Variants in SGCG observed in about 807,000 individuals in gnomAD.
SGCG encodes gamma-sarcoglycan.
A neutral mutation model predicts 29.3 loss-of-function variants in SGCG; 26 were observed. That is an observed-to-expected ratio of 0.89 (90% CI 0.65 to 1.23). The LOEUF (loss-of-function observed/expected upper bound fraction) is 1.23. Among genes scored for constraint, SGCG ranks in the 50% most tolerant of loss-of-function variants. The probability of loss-of-function intolerance (pLI) is 0.00; values close to 1 mark genes in which losing one functional copy is unlikely to be tolerated. For synonymous variants in SGCG, 145 were observed against 129.7 expected (o/e 1.12, Z -0.80); for missense variants, 353 against 356.0 (o/e 0.99, Z 0.07).
At chr13:23,275,449 G>A (rs1172695692) in intron 4 of SGCG, among the ~76,000 whole-genome samples, 1 of 151,328 alleles carries the variant, frequency 6.6e-6, no homozygotes, top group Admixed American at 6.6e-5. Flanking sequence ...GTTGCAGTGA[G>A]CTGAGATCAT....
chr13:23,302,585 C>T (rs1268264413), intron 6 of SGCG, among the ~76,000 whole-genome samples: 1 of 151,980 alleles, frequency 6.6e-6, no homozygotes, highest in Non-Finnish European at 1.5e-5. Flanking sequence ...TTGATTATTA[C>T]ATATTGTGTA....
chr13:23,278,299 C>T (rs1881166334), intron 4 of SGCG, among the ~76,000 whole-genome samples: 1 of 151,940 alleles, frequency 6.6e-6, no homozygotes, highest in Non-Finnish European at 1.5e-5. Context: ...CAAAATTAGC[C>T]GAGCGTGGTG....
intron 4 of SGCG, among the ~76,000 whole-genome samples, chr13:23,274,395 C>CTTTTTTTTTTTTTT (rs869153381): frequency 2.0e-4 from 17 of 85,228 alleles, no homozygotes; most frequent in East Asian, 3.8e-4. Flanking sequence ...CTTTCTTTCT[C>CTTTTTTTTTTTTTT]TTTTTTTTTT....
intron 4 of SGCG, among the ~76,000 whole-genome samples, chr13:23,253,781 A>G (rs975775819): frequency 1.3e-5 from 2 of 152,198 alleles, no homozygotes; most frequent in Admixed American, 6.5e-5. Flanking sequence ...GGCTTGCACC[A>G]TACCCTTGGT....
chr13:23,196,682 T>C (rs1877525775), intron 1 of SGCG, among the ~76,000 whole-genome samples: 1 of 152,200 alleles, frequency 6.6e-6, no homozygotes, highest in South Asian at 2.1e-4. Flanking sequence ...TGTCCTATCT[T>C]TAAGGCAAAT....
the SGCG span, among the ~76,000 whole-genome samples, chr13:23,174,501 A>C: frequency 6.6e-6 from 1 of 152,242 alleles, no homozygotes; most frequent in African/African-American, 2.4e-5. Flanking sequence ...TTCAAGGAAA[A>C]AAAATGGAAT....
intron 5 of SGCG, among the ~76,000 whole-genome samples, chr13:23,286,786 T>G (rs1881513503): frequency 6.6e-6 from 1 of 152,292 alleles, no homozygotes; most frequent in Admixed American, 6.5e-5. Context: ...TCACCCTTCT[T>G]GTGATGATGT....
At chr13:23,251,611 A>G (rs989854069) in intron 4 of SGCG, among the ~76,000 whole-genome samples, 2 of 152,152 alleles carry the variant, frequency 1.3e-5, no homozygotes, top group African/African-American at 4.8e-5. Context: ...CTCTAAAAAA[A>G]TAATTTTAAA....
intron 1 of SGCG, among the ~76,000 whole-genome samples, chr13:23,182,076 G>A (rs1489489836): frequency 6.6e-6 from 1 of 152,150 alleles, no homozygotes. Flanking sequence ...GCATTCCAAA[G>A]ACTAACAAAT....
At chr13:23,283,356 CT>C (rs1881378932) in intron 5 of SGCG, among the ~76,000 whole-genome samples, 1 of 152,128 alleles carries the variant, frequency 6.6e-6, no homozygotes, top group Non-Finnish European at 1.5e-5. Flanking sequence ...GAATTGATTC[CT>C]TTACCATTAT....
chr13:23,215,259 C>G (rs907250524), intron 2 of SGCG, among the ~76,000 whole-genome samples: 1 of 152,174 alleles, frequency 6.6e-6, no homozygotes, highest in African/African-American at 2.4e-5. Context: ...CAGATCTATT[C>G]ACTTTCTTCC....
chr13:23,196,049 A>G (rs1375809752), intron 1 of SGCG, among the ~76,000 whole-genome samples: 2 of 152,056 alleles, frequency 1.3e-5, no homozygotes, highest in Non-Finnish European at 2.9e-5. Context: ...CTATGAGTAT[A>G]TATTTTAATA....
the SGCG span, among the ~76,000 whole-genome samples, chr13:23,162,464 A>AT: frequency 1.3e-5 from 2 of 152,100 alleles, no homozygotes; most frequent in South Asian, 2.1e-4. Context: ...TACTAAAAAT[A>AT]TTTTTTTAAA....
At chr13:23,300,271 TTAGAAACCAAGAAAG>T (rs1882101676) in intron 6 of SGCG, among the ~76,000 whole-genome samples, 1 of 152,140 alleles carries the variant, frequency 6.6e-6, no homozygotes, top group Non-Finnish European at 1.5e-5. Flanking sequence ...CTAAGCTCAG[TTAGAAACCAAGAAAG>T]GGTAATTCCC....
chr13:23,216,279 A>G (rs1168735147), intron 2 of SGCG, among the ~76,000 whole-genome samples: 2 of 152,150 alleles, frequency 1.3e-5, no homozygotes, highest in African/African-American at 2.4e-5. Flanking sequence ...TCAGGGGCCA[A>G]TAGAACACTA....
At chr13:23,192,983 A>G (rs1593165004) in intron 1 of SGCG, among the ~76,000 whole-genome samples, 1 of 152,226 alleles carries the variant, frequency 6.6e-6, no homozygotes, top group Non-Finnish European at 1.5e-5. Context: ...AATAAAAAGT[A>G]AACAAATAAA....
chr13:23,266,300 T>C (rs1042701910), intron 4 of SGCG, among the ~76,000 whole-genome samples: 14 of 151,734 alleles, frequency 9.2e-5, no homozygotes, highest in Admixed American at 2.0e-4. Flanking sequence ...ATATCACATA[T>C]ATATATATGA....
intron 4 of SGCG, among the ~76,000 whole-genome samples, chr13:23,251,821 A>G (rs1879980810): frequency 6.6e-6 from 1 of 152,190 alleles, no homozygotes; most frequent in South Asian, 2.1e-4. Flanking sequence ...AGGAAACTGG[A>G]TGGCCCTTGT....
At chr13:23,212,883 G>T (rs1282875411) in intron 2 of SGCG, among the ~76,000 whole-genome samples, 1 of 152,186 alleles carries the variant, frequency 6.6e-6, no homozygotes, top group African/African-American at 2.4e-5. Flanking sequence ...AATACAGCAT[G>T]AGTAGCAGGA....
Sources: gnomAD v4.1 joint callset for allele counts (sites outside exome capture counted in the v4.1 genomes callset) on GRCh38, gnomAD v4.1.1 for gene constraint, MANE v1.5 for transcripts, NCBI Gene and HGNC (gene_info 2026-07-23, HGNC 2026-07-21) for gene names.